The following ESRRG variants were observed in gnomAD, a reference collection of about 807,000 sequenced individuals.
ESRRG encodes the protein estrogen-related receptor gamma.
ESRRG carries 13 observed loss-of-function variants against 44.0 expected under a neutral mutation model. The ratio of observed to expected loss-of-function variants is 0.30; its 90% confidence interval spans 0.19 to 0.47. The LOEUF (loss-of-function observed/expected upper bound fraction) is 0.47. Among genes scored for constraint, ESRRG ranks in the 20% least tolerant of loss-of-function variants. The pLI, the probability that ESRRG is intolerant of heterozygous loss-of-function variation, is 1.00. For synonymous variants in ESRRG, 215 were observed against 214.6 expected (o/e 1.00, Z -0.02); for missense variants, 395 against 580.6 (o/e 0.68, Z 3.29).
chr1:216,871,218 C>A (rs1176094076), intron 2 of ESRRG, among the ~76,000 whole-genome samples: 1 of 151,944 alleles, frequency 6.6e-6, no homozygotes, highest in Non-Finnish European at 1.5e-5. Flanking sequence ...ATTTTCTAAT[C>A]CCCTGAGACT....
intron 5 of ESRRG, among the ~76,000 whole-genome samples, chr1:216,561,637 A>G (rs1308498505): frequency 6.6e-6 from 1 of 152,184 alleles, no homozygotes; most frequent in African/African-American, 2.4e-5. Flanking sequence ...AGGGTAAGGC[A>G]GCACACTTTG....
intron 1 of ESRRG, among the ~76,000 whole-genome samples, chr1:216,966,117 A>G (rs1224557775): frequency 6.6e-6 from 1 of 152,166 alleles, no homozygotes; most frequent in Non-Finnish European, 1.5e-5. Context: ...TTAACAATTT[A>G]TAAGCCAGGT....
At chr1:216,821,129 A>C (rs1428880215) in intron 2 of ESRRG, among the ~76,000 whole-genome samples, 1 of 152,200 alleles carries the variant, frequency 6.6e-6, no homozygotes, top group Non-Finnish European at 1.5e-5. Flanking sequence ...CAAGTGACAT[A>C]AACAGTTGGA....
intron 2 of ESRRG, among the ~76,000 whole-genome samples, chr1:216,844,763 ATGTG>A (rs35416075): frequency 0.15 from 23,138 of 150,586 alleles, 1,945 homozygotes; most frequent in African/African-American, 0.21. Flanking sequence ...GCATTCGTGC[ATGTG>A]TGTGTGTGTG....
At chr1:216,906,660 A>C (rs1376484224) in intron 2 of ESRRG, among the ~76,000 whole-genome samples, 2 of 152,248 alleles carry the variant, frequency 1.3e-5, no homozygotes, top group Non-Finnish European at 1.5e-5. Context: ...GTCACACACT[A>C]GTGATTGACC....
intron 2 of ESRRG, among the ~76,000 whole-genome samples, chr1:216,664,159 A>G (rs1346182989): frequency 2.0e-5 from 3 of 152,134 alleles, no homozygotes; most frequent in African/African-American, 4.8e-5. Flanking sequence ...GAAAAATACA[A>G]TCTAAAATCA....
At chr1:217,023,212 T>C (rs1467073318) in intron 1 of ESRRG, among the ~76,000 whole-genome samples, 1 of 152,208 alleles carries the variant, frequency 6.6e-6, no homozygotes, top group Non-Finnish European at 1.5e-5. Context: ...TCCTGCAATT[T>C]ACCTCTCCAT....
At chr1:216,807,974 G>T (rs917438894) in intron 2 of ESRRG, among the ~76,000 whole-genome samples, 5 of 152,064 alleles carry the variant, frequency 3.3e-5, no homozygotes, top group African/African-American at 1.2e-4. Flanking sequence ...TTCACAGCTG[G>T]GCATGGAGAC....
At chr1:216,831,450 A>G (rs1003192364) in intron 2 of ESRRG, among the ~76,000 whole-genome samples, 3 of 151,314 alleles carry the variant, frequency 2.0e-5, no homozygotes, top group Admixed American at 6.6e-5. Flanking sequence ...AAACAAGGGA[A>G]AACAAAGGTT....
At chr1:217,135,526 G>A (rs1326775379) in intron 1 of ESRRG, among the ~76,000 whole-genome samples, 2 of 151,704 alleles carry the variant, frequency 1.3e-5, no homozygotes, top group East Asian at 1.9e-4. Flanking sequence ...AGGGGCGCGC[G>A]CGCGGCGGCG....
chr1:217,118,807 C>T (rs1052432697), intron 1 of ESRRG, among the ~76,000 whole-genome samples: 4 of 151,836 alleles, frequency 2.6e-5, no homozygotes, highest in African/African-American at 4.8e-5. Flanking sequence ...GCCTGGGCAA[C>T]ATAATGAGAC....
chr1:216,996,752 A>ATCAT (rs1382190334), intron 1 of ESRRG, among the ~76,000 whole-genome samples: 1 of 152,162 alleles, frequency 6.6e-6, no homozygotes, highest in Non-Finnish European at 1.5e-5. Context: ...GAATGCTAAT[A>ATCAT]TCATTCATTC....
chr1:217,027,127 C>T (rs2150984369), intron 1 of ESRRG, among the ~76,000 whole-genome samples: 1 of 152,192 alleles, frequency 6.6e-6, no homozygotes, highest in African/African-American at 2.4e-5. Flanking sequence ...AAATCTCTCA[C>T]CACAAAGGCC....
chr1:216,818,928 G>A (rs561162079), intron 2 of ESRRG, among the ~76,000 whole-genome samples: 4 of 152,026 alleles, frequency 2.6e-5, no homozygotes, highest in Middle Eastern at 3.4e-3. Context: ...TCCATGTCCC[G>A]GCAAAGGACA....
At chr1:216,870,663 A>C (rs756491435) in intron 2 of ESRRG, among the ~76,000 whole-genome samples, 1 of 152,056 alleles carries the variant, frequency 6.6e-6, no homozygotes, top group Non-Finnish European at 1.5e-5. Context: ...AAGGATTTTT[A>C]ACAATAATTC....
chr1:216,718,266 AC>A (rs1384246686), intron 1 of ESRRG, among the ~76,000 whole-genome samples: 1 of 151,930 alleles, frequency 6.6e-6, no homozygotes, highest in African/African-American at 2.4e-5. Context: ...GTACATGAAT[AC>A]TTTTAGCAGC....
At chr1:216,612,375 G>T (rs1006846660) in intron 3 of ESRRG, among the ~76,000 whole-genome samples, 5 of 149,360 alleles carry the variant, frequency 3.3e-5, no homozygotes, top group Non-Finnish European at 5.9e-5. Context: ...GAAGGAAGGG[G>T]CGGGAATAGA....
chr1:216,867,186 A>G (rs752536124), intron 2 of ESRRG, among the ~76,000 whole-genome samples: 3 of 152,222 alleles, frequency 2.0e-5, no homozygotes, highest in Non-Finnish European at 4.4e-5. Context: ...ACTGAGGCAC[A>G]GAACAAAATC....
At chr1:216,911,015 C>T (rs2060245038) in intron 2 of ESRRG, among the ~76,000 whole-genome samples, 1 of 152,066 alleles carries the variant, frequency 6.6e-6, no homozygotes, top group Non-Finnish European at 1.5e-5. Flanking sequence ...CAGTACAGTG[C>T]ACTTTACACA....
Sources: allele counts gnomAD v4.1 joint callset (sites outside exome capture counted in the v4.1 genomes callset), GRCh38; gene constraint gnomAD v4.1.1; transcripts MANE v1.5; gene names NCBI Gene and HGNC (gene_info 2026-07-23, HGNC 2026-07-21).